Variants in SLC35F3 observed in about 807,000 individuals in gnomAD.
The protein encoded by SLC35F3 is putative thiamine transporter SLC35F3.
SLC35F3 carries 25 observed loss-of-function variants against 49.9 expected under a neutral mutation model. That is an observed-to-expected ratio of 0.50 (90% CI 0.37 to 0.70). SLC35F3 has a LOEUF of 0.70. Ranked by LOEUF, SLC35F3 falls within the 30% of genes least tolerant of loss-of-function variation. The pLI is 0.00. For synonymous variants in SLC35F3, 275 were observed against 265.4 expected (o/e 1.04, Z -0.35); for missense variants, 525 against 639.8 (o/e 0.82, Z 1.94).
chr1:234,199,208 A>G (rs1045118889), intron 2 of SLC35F3, among the ~76,000 whole-genome samples: 1 of 152,158 alleles, frequency 6.6e-6, no homozygotes, highest in Non-Finnish European at 1.5e-5. Context: ...AGCCTGGGCA[A>G]CAGAGTGAGA....
intron 2 of SLC35F3, among the ~76,000 whole-genome samples, chr1:234,165,074 G>A (rs917932822): frequency 1.3e-4 from 20 of 148,742 alleles, no homozygotes; most frequent in African/African-American, 5.0e-4. Flanking sequence ...GTGTGTGTGT[G>A]TGTGTGTGTG....
At chr1:234,246,606 G>A (rs918498167) in intron 3 of SLC35F3, among the ~76,000 whole-genome samples, 2 of 152,112 alleles carry the variant, frequency 1.3e-5, no homozygotes, top group African/African-American at 4.8e-5. Flanking sequence ...CTTCTGAATA[G>A]GTGAAGTATT....
intron 2 of SLC35F3, among the ~76,000 whole-genome samples, chr1:234,117,828 G>A (rs1443733221): frequency 6.6e-6 from 1 of 151,148 alleles, no homozygotes; most frequent in African/African-American, 2.4e-5. Context: ...GGAGCTTGCA[G>A]TGAGCCGAGA....
intron 2 of SLC35F3, among the ~76,000 whole-genome samples, chr1:234,187,321 C>G (rs999981143): frequency 1.3e-5 from 2 of 152,096 alleles, no homozygotes; most frequent in African/African-American, 4.8e-5. Context: ...CAAGAAGTGA[C>G]TCAAATGGGG....
chr1:234,216,853 A>G (rs1185517770), intron 2 of SLC35F3, among the ~76,000 whole-genome samples: 1 of 152,134 alleles, frequency 6.6e-6, no homozygotes, highest in East Asian at 1.9e-4. Context: ...CCCCAGTTGC[A>G]TTTTTCGTGG....
intron 2 of SLC35F3, among the ~76,000 whole-genome samples, chr1:234,028,644 G>A (rs1015541351): frequency 6.6e-6 from 1 of 152,152 alleles, no homozygotes; most frequent in Admixed American, 6.5e-5. Context: ...ATGTGTTGAC[G>A]GGAAAGAAAC....
intron 2 of SLC35F3, among the ~76,000 whole-genome samples, chr1:233,975,096 C>T (rs1487995078): frequency 6.6e-6 from 1 of 152,182 alleles, no homozygotes; most frequent in Non-Finnish European, 1.5e-5. Flanking sequence ...GATTTCCAGG[C>T]CCCATTCCCA....
At chr1:234,052,552 C>A (rs549505612) in intron 2 of SLC35F3, among the ~76,000 whole-genome samples, 1 of 151,862 alleles carries the variant, frequency 6.6e-6, no homozygotes, top group African/African-American at 2.4e-5. Context: ...GTCTTACTAG[C>A]GTTCTTTCAA....
chr1:234,012,515 G>A (rs759795324), intron 2 of SLC35F3, among the ~76,000 whole-genome samples: 15 of 152,326 alleles, frequency 9.8e-5, no homozygotes, highest in Admixed American at 3.9e-4. Context: ...GCGGCTTTCC[G>A]CAGTGCATTG....
At chr1:234,024,425 A>G (rs1175085516) in intron 2 of SLC35F3, among the ~76,000 whole-genome samples, 1 of 152,200 alleles carries the variant, frequency 6.6e-6, no homozygotes, top group Non-Finnish European at 1.5e-5. Context: ...GAGAGCAGTG[A>G]CATGATTAGT....
intron 2 of SLC35F3, among the ~76,000 whole-genome samples, chr1:233,961,533 T>A (rs1438595868): frequency 6.7e-6 from 1 of 148,454 alleles, no homozygotes; most frequent in African/African-American, 2.5e-5. Flanking sequence ...CTCGGCTCAC[T>A]GCAGCCTCTG....
intron 2 of SLC35F3, among the ~76,000 whole-genome samples, chr1:234,020,299 C>A (rs1663870843): frequency 6.6e-6 from 1 of 152,100 alleles, no homozygotes; most frequent in Non-Finnish European, 1.5e-5. Context: ...CTATAGTTCT[C>A]ATTTGTTTGC....
chr1:234,076,454 C>A lies in SLC35F3; in HGVS notation c.284-154963C>A, dbSNP rs879509848. Among the ~76,000 whole-genome samples the A allele has an allele frequency of 1.9e-4, 28 of 150,012 alleles. 1 individual carries two copies. The highest frequency in any genetic ancestry group is 8.7e-4 in the Admixed American group (13 of 14,926). On this transcript the variant is annotated intron_variant, in intron 2 of 7. Coordinates refer to ENST00000366618, the MANE Select transcript of SLC35F3 (RefSeq NM_173508.4). The stretch of plus-strand genomic sequence containing the variant: ...CTCTCTCTACAAAAATAATAATAAT[C>A]ATCATAATAATTTTTTTTTTTTTTG...
chr1:234,187,084 C>T (rs1347267526), intron 2 of SLC35F3, among the ~76,000 whole-genome samples: 1 of 152,126 alleles, frequency 6.6e-6, no homozygotes, highest in Non-Finnish European at 1.5e-5. Context: ...GAGAAACTCC[C>T]TTATCAGGAA....
chr1:233,978,380 G>A (rs2102820653), intron 2 of SLC35F3, among the ~76,000 whole-genome samples: 1 of 152,318 alleles, frequency 6.6e-6, no homozygotes, highest in East Asian at 1.9e-4. Flanking sequence ...CTTCTTAAAG[G>A]CGTATGTAAT....
rs530547744 is a variant in SLC35F3, at chr1:234,179,272, A to G, written c.284-52145A>G. Among the ~76,000 whole-genome samples, 61 of 152,352 alleles carry G rather than the reference A, an allele frequency of 4.0e-4. No individual in the cohort carries two copies. The South Asian group carries it at 9.3e-3, about 23-fold the overall frequency. On this transcript the variant is annotated intron_variant, in intron 2 of 7. Transcript: ENST00000366618. ...GGTCCATCTTCTTGGTGAAGCTAATAGATGAAGCTAATGGAAAGCATTTAA... is the reference window on the plus strand; with the variant it reads ...GGTCCATCTTCTTGGTGAAGCTAATGGATGAAGCTAATGGAAAGCATTTAA...
chr1:234,033,126 C>T (rs902740094), intron 2 of SLC35F3, among the ~76,000 whole-genome samples: 4 of 151,834 alleles, frequency 2.6e-5, no homozygotes, highest in African/African-American at 9.7e-5. Context: ...GAGCATTTTC[C>T]CTTATGTTTG....
intron 2 of SLC35F3, among the ~76,000 whole-genome samples, chr1:234,105,301 A>G (rs1665269538): frequency 1.3e-5 from 2 of 152,174 alleles, no homozygotes; most frequent in Non-Finnish European, 2.9e-5. Context: ...AATGATCAAG[A>G]TGAACAATTG....
rs998674224 is a variant in SLC35F3 at position 234,088,428 on chromosome 1, G to A, written c.284-142989G>A. On this transcript the variant is annotated intron_variant, in intron 2 of 7. Coordinates refer to ENST00000366618, the MANE Select transcript of SLC35F3 (RefSeq NM_173508.4). ...TTGCCATGTTGGCCAGGCTGGTCTC[G>A]AACTCCTGACCTCAGGTGATCCACC... Among the ~76,000 whole-genome samples the A allele has an allele frequency of 7.9e-5, 12 of 151,926 alleles. 1 individual carries two copies. In the South Asian group the frequency reaches 1.9e-3, roughly 24 times the overall value.
Sources: allele counts gnomAD v4.1 joint callset (sites outside exome capture counted in the v4.1 genomes callset), GRCh38; gene constraint gnomAD v4.1.1; transcripts MANE v1.5; gene names NCBI Gene and HGNC (gene_info 2026-07-23, HGNC 2026-07-21).